THNSL1: variants seen among roughly 807,000 people sequenced by gnomAD.
The protein encoded by THNSL1 is threonine synthase-like 1.
A neutral mutation model predicts 50.4 loss-of-function variants in THNSL1; 48 were observed. That is an observed-to-expected ratio of 0.95 (90% confidence interval 0.76 to 1.21). The LOEUF is 1.21. Among genes scored for constraint, THNSL1 ranks in the 50% most tolerant of loss-of-function variants. The pLI is 0.00. For missense variants in THNSL1, 896 were observed against 871.7 expected, an observed-to-expected ratio of 1.03 and a Z score of -0.35; for synonymous variants, 309 against 306.1, an observed-to-expected ratio of 1.01 and a Z score of -0.10.
At chr10:25,023,085 A>C (rs1462904385) in intron 2 of THNSL1, 91 bp from the exon 3 acceptor site, 5 of 790,766 alleles carry the variant, frequency 6.3e-6, no homozygotes, top group Non-Finnish European at 9.9e-6. Flanking sequence ...GGGCATGGTT[A>C]TATTCAGTCC....
Position 25,024,485 on chromosome 10 carries a change from T to C in THNSL1, c.1262T>C (p.Ile421Thr). 1.2e-6 allele frequency: 2 copies of C among 1,614,202 alleles called. No homozygotes were observed. The highest frequency in any genetic ancestry group is 1.7e-6 in the Non-Finnish European group (2 of 1,180,028). ...GVSDFQKAQI[I>T]GSQRENGWAV... Reference sequence around the variant, plus strand: ...AGTGATTTTCAAAAAGCACAAATAATTGGCAGTCAGAGAGAAAATGGATGG... The same window carrying C: ...AGTGATTTTCAAAAAGCACAAATAACTGGCAGTCAGAGAGAAAATGGATGG... Residue 421 changes from isoleucine to threonine, a missense_variant, in exon 3 of 3, where the codon ATT becomes ACT. Coordinates refer to ENST00000376356, the MANE Select transcript of THNSL1 (RefSeq NM_024838.5).
At chr10:24,977,135 G>C in the THNSL1 span, among the ~76,000 whole-genome samples, 15 of 152,134 alleles carry the variant, frequency 9.9e-5, no homozygotes, top group Non-Finnish European at 1.6e-4. Flanking sequence ...CTAACATAAA[G>C]GCTTACATTC....
the THNSL1 span, among the ~76,000 whole-genome samples, chr10:24,996,456 G>GTGTGTA: frequency 8.7e-5 from 13 of 149,804 alleles, no homozygotes; most frequent in African/African-American, 1.7e-4. Context: ...GTGTGTGTGT[G>GTGTGTA]TATATATATA....
the THNSL1 span, among the ~76,000 whole-genome samples, chr10:24,992,134 T>C: frequency 1.3e-5 from 2 of 152,236 alleles, no homozygotes; most frequent in Non-Finnish European, 2.9e-5. Flanking sequence ...TACTATGTAT[T>C]CCTTCTTCAA....
At chr10:24,995,826 T>C in the THNSL1 span, 2 of 1,613,506 alleles carry the variant, frequency 1.2e-6, no homozygotes, top group Middle Eastern at 1.7e-4. Flanking sequence ...CAGTCTTCAA[T>C]GGCACAGCAG....
the THNSL1 span, among the ~76,000 whole-genome samples, chr10:24,956,906 G>A: frequency 9.2e-5 from 14 of 152,102 alleles, no homozygotes; most frequent in African/African-American, 3.4e-4. Context: ...AAACCCTATG[G>A]TGAACCGCAC....
At chr10:24,979,478 G>T in the THNSL1 span, among the ~76,000 whole-genome samples, 1 of 152,140 alleles carries the variant, frequency 6.6e-6, no homozygotes, top group East Asian at 1.9e-4. Flanking sequence ...TTAGGGAAAA[G>T]GTGCTCCTTT....
At chr10:25,021,685 T>C (rs963236029) in intron 1 of THNSL1, 57 bp from the exon 2 acceptor site, 2 of 152,212 alleles carry the variant, frequency 1.3e-5, no homozygotes, top group African/African-American at 4.8e-5. Flanking sequence ...AGTCTATGTG[T>C]AGAATTTTAT....
chr10:24,974,064 A>C, the THNSL1 span, among the ~76,000 whole-genome samples: 1 of 152,144 alleles, frequency 6.6e-6, no homozygotes, highest in Non-Finnish European at 1.5e-5. Flanking sequence ...TTTTAGGTTT[A>C]ATGATATACA....
At chr10:24,990,539 T>A in the THNSL1 span, 12 of 1,613,964 alleles carry the variant, frequency 7.4e-6, no homozygotes, top group Non-Finnish European at 9.3e-6. Context: ...GATATAACGA[T>A]CATAGTCTTC....
rs1226837823 is a variant in THNSL1, at chr10:25,024,281, T to A, written c.1058T>A (p.Leu353Ter). Residue 353 changes from leucine (L) to a stop codon, truncating the protein, a stop_gained, in exon 3 of 3, where the codon TTG becomes TAG. Transcript: ENST00000376356. LOFTEE classifies it high-confidence loss of function. The stretch of plus-strand genomic sequence containing the variant: ...GGACCAACAGGATCATTTAAAGATT[T>A]GTCTTTACAGCTTATGCCTCATATT... ...FHGPTGSFKD[L>*]SLQLMPHIFA... The A allele has an allele frequency of 6.2e-7, 1 of 1,614,106 alleles. No homozygotes were observed. Among genetic ancestry groups the A allele is most frequent in the East Asian group, 2.2e-5 (1 of 44,898 alleles).
the THNSL1 span, among the ~76,000 whole-genome samples, chr10:24,954,561 G>T: frequency 6.6e-5 from 10 of 152,046 alleles, no homozygotes; most frequent in African/African-American, 1.7e-4. Context: ...CCTTAGAAAG[G>T]CTATTAGTTT....
At chr10:25,020,994 T>C (rs1046559533) in intron 1 of THNSL1, among the ~76,000 whole-genome samples, 8 of 152,204 alleles carry the variant, frequency 5.3e-5, no homozygotes, top group Non-Finnish European at 1.2e-4. Flanking sequence ...TTCAAGTATA[T>C]AATTCTTTCT....
At chr10:25,001,973 T>G in the THNSL1 span, among the ~76,000 whole-genome samples, 1 of 152,212 alleles carries the variant, frequency 6.6e-6, no homozygotes, top group African/African-American at 2.4e-5. Context: ...TTCTCTTCTT[T>G]TTCTCTTTCT....
At chr10:24,990,617 G>C in the THNSL1 span, 33 of 1,588,682 alleles carry the variant, frequency 2.1e-5, no homozygotes, top group African/African-American at 4.1e-5. Context: ...ATCCTAAAAA[G>C]ATTTTGCAGA....
At chr10:25,003,297 C>T in the THNSL1 span, among the ~76,000 whole-genome samples, 2 of 152,034 alleles carry the variant, frequency 1.3e-5, no homozygotes, top group African/African-American at 4.8e-5. Flanking sequence ...ACCTCTGTCT[C>T]CTGGGTTCAA....
the THNSL1 span, among the ~76,000 whole-genome samples, chr10:24,979,961 A>G: frequency 9.2e-5 from 14 of 151,848 alleles, no homozygotes; most frequent in Non-Finnish European, 1.9e-4. Context: ...CGTTCAATCC[A>G]TCACCAAGTT....
chr10:24,994,399 C>A, the THNSL1 span, among the ~76,000 whole-genome samples: 5 of 150,580 alleles, frequency 3.3e-5, no homozygotes, highest in Admixed American at 3.3e-4. Flanking sequence ...AGTGACGCGA[C>A]CTTGGCTCAC....
chr10:25,022,615 T>C (rs1447370166), intron 2 of THNSL1, among the ~76,000 whole-genome samples: 1 of 152,218 alleles, frequency 6.6e-6, no homozygotes, highest in Non-Finnish European at 1.5e-5. Context: ...TAAGCAAATA[T>C]GTTCTTTTAT....
Sources: gnomAD v4.1 joint callset for allele counts (sites outside exome capture counted in the v4.1 genomes callset) on GRCh38, gnomAD v4.1.1 for gene constraint, MANE v1.5 for transcripts, NCBI Gene and HGNC (gene_info 2026-07-23, HGNC 2026-07-21) for gene names.